The following SHMT1 variants were observed in gnomAD, a reference collection of about 807,000 sequenced individuals.
SHMT1 encodes the protein serine hydroxymethyltransferase, cytosolic.
Under a neutral mutation model 49.0 loss-of-function variants are expected in SHMT1, and 45 were observed. The observed-to-expected ratio is 0.92, with a 90% confidence interval of 0.72 to 1.18. The LOEUF is 1.18. Among genes scored for constraint, SHMT1 ranks in the 50% most tolerant of loss-of-function variants. SHMT1 has a pLI of 0.00. For synonymous variants in SHMT1, 232 were observed against 246.6 expected, an observed-to-expected ratio of 0.94 and a Z score of 0.55; for missense variants, 541 against 612.4, an observed-to-expected ratio of 0.88 and a Z score of 1.23.
At chr17:18,345,062 G>A (rs889488139) in intron 5 of SHMT1, among the ~76,000 whole-genome samples, 14 of 152,200 alleles carry the variant, frequency 9.2e-5, no homozygotes, top group Middle Eastern at 3.4e-3. Flanking sequence ...CCTCCTGTCC[G>A]CCAAGGGCAG....
chr17:18,339,989 A>G, intron 7 of SHMT1, 54 bp downstream of exon 7: 1 of 1,561,616 alleles, frequency 6.4e-7, no homozygotes, highest in Admixed American at 1.7e-5. Flanking sequence ...CTGAACCCCC[A>G]CAGGAGAAAT....
At chr17:18,337,862 G>A (rs1983993775) in intron 7 of SHMT1, among the ~76,000 whole-genome samples, 1 of 152,206 alleles carries the variant, frequency 6.6e-6, no homozygotes, top group African/African-American at 2.4e-5. Context: ...ACGGAGTCTC[G>A]TTCACTCAGT....
At chr17:18,333,465 AT>A in intron 8 of SHMT1, 177 bp from the exon 9 acceptor site, 1 of 286,460 alleles carries the variant, frequency 3.5e-6, no homozygotes, top group Non-Finnish European at 5.9e-6. Flanking sequence ...TTTATTATTT[AT>A]TATTTTTATT....
Position 18,329,525 on chromosome 17 carries a change from C to G in SHMT1, c.1172-137G>C, listed in dbSNP as rs1391332640. 15 of 724,086 alleles carry G rather than the reference C, an allele frequency of 2.1e-5. No homozygotes were observed. The Admixed American group carries it at 3.2e-4, about 16-fold the overall frequency. The allele number at this position is 724,086 out of a possible 1,614,324, so 44.9% of individuals were successfully genotyped here. Reference sequence around the variant, plus strand: ...TCCCTAGCAAGGAGTACAACTGATTCAGAAACTAAAGTAGAACCCAAGGCA... The same window carrying G: ...TCCCTAGCAAGGAGTACAACTGATTGAGAAACTAAAGTAGAACCCAAGGCA... On this transcript the variant is annotated intron_variant, in intron 10 of 11. Coordinates refer to ENST00000316694, the MANE Select transcript of SHMT1 (RefSeq NM_004169.5).
chr17:18,353,183 A>G (rs543899593), intron 3 of SHMT1, among the ~76,000 whole-genome samples: 2 of 143,760 alleles, frequency 1.4e-5, no homozygotes, highest in South Asian at 2.2e-4. Flanking sequence ...AAAAACGAAT[A>G]TAACACTGTA....
At chr17:18,345,154 C>A (rs540728313) in intron 5 of SHMT1, among the ~76,000 whole-genome samples, 3 of 152,334 alleles carry the variant, frequency 2.0e-5, no homozygotes, top group Non-Finnish European at 2.9e-5. Flanking sequence ...CCTCTCCATG[C>A]CCATCCTGAG....
intron 7 of SHMT1, among the ~76,000 whole-genome samples, chr17:18,337,331 AAC>A (rs1983898458): frequency 1.3e-5 from 2 of 152,074 alleles, no homozygotes; most frequent in Non-Finnish European, 2.9e-5. Context: ...AAATCACATC[AAC>A]ACACAGTGGG....
Position 18,340,519 on chromosome 17 carries a change from G to C in SHMT1, c.601+213C>G, listed in dbSNP as rs1456710359. On this transcript the variant is annotated intron_variant, in intron 6 of 11. Transcript: ENST00000316694. This position sits in a 1 kb window ranked among gnomAD's most constrained non-coding sequence, Gnocchi z 4.5. ...CTGACATTTCTAGATGCTTCTCTGA[G>C]AACAGTCTCACATCTTAATCTACAT... 8.8e-6 allele frequency: 6 copies of C among 679,584 alleles called. No individual in the cohort carries two copies. The highest frequency in any genetic ancestry group is 1.6e-5 in the Non-Finnish European group (6 of 379,010). 42.1% of individuals were successfully genotyped at this position (679,584 alleles called of 1,614,324 possible).
chr17:18,330,652 C>A lies in SHMT1; in HGVS notation c.1074G>T (p.Leu358Phe). The change falls in exon 10 of 12, where the codon TTG (leucine) becomes TTT (phenylalanine). Residue 358 changes from leucine (L) to phenylalanine (F), a missense_variant. By Grantham distance (22) the Leu-to-Phe change is conservative. Coordinates refer to ENST00000316694, the MANE Select transcript of SHMT1 (RefSeq NM_004169.5). ...CTTTGGAACGGAGATCCACAAGGAT[C>A]AAATGGTTGTCAGAACCACCTGGAA... is the stretch of plus-strand genomic sequence containing the variant. ...KIVTGGSDNHLILVDLRSKGT... is the reference protein window; with the variant it reads ...KIVTGGSDNHFILVDLRSKGT... 6.2e-7 allele frequency: 1 copy of A among 1,613,900 alleles called. No individual in the cohort carries two copies. Among genetic ancestry groups the A allele is most frequent in the Non-Finnish European group, 8.5e-7 (1 of 1,179,782 alleles).
In SHMT1 at chr17:18,339,967, C is replaced by G; in HGVS notation, c.814+76G>C. On this transcript the variant is annotated intron_variant, in intron 7 of 11. Coordinates refer to ENST00000316694, the MANE Select transcript of SHMT1 (RefSeq NM_004169.5). ...CCCAGGTCAGAGTTTTTCCCAGCTC[C>G]CTCAACTGAATCTGAACCCCCACAG... 2.1e-6 allele frequency: 3 copies of G among 1,441,234 alleles called. No individual in the cohort carries two copies. The East Asian group carries it at 6.9e-5, about 33-fold the overall frequency. 89.3% of individuals were successfully genotyped at this position (1,441,234 alleles called of 1,614,324 possible).
Position 18,353,689 on chromosome 17 carries a change from C to T in SHMT1, c.225G>A (p.Glu75=). Residue 75 remains glutamate (E), a synonymous_variant, in exon 3 of 12, where the codon GAG becomes GAA. Transcript: ENST00000316694. ...LGSCLNNKYS[E]GYPGQRYYGG... is the part of the protein sequence containing the mutation. ...TCACATACCTCTGGCCCGGGTACCC[C>T]TCAGAGTATTTGTTATTTAAGCAAG... The T allele has an allele frequency of 6.2e-7, 1 of 1,614,134 alleles. No homozygotes were observed. The highest frequency in any genetic ancestry group is 8.5e-7 in the Non-Finnish European group (1 of 1,180,036).
rs546838005 is a variant in SHMT1, at chr17:18,328,839, C to G, written c.1363G>C (p.Asp455His). 6.2e-7 allele frequency: 1 copy of G among 1,613,680 alleles called. No individual in the cohort carries two copies. Residue 455 changes from aspartate (D) to histidine (H), a missense_variant, in exon 12 of 12, where the codon GAT becomes CAT. Coordinates refer to ENST00000316694, the MANE Select transcript of SHMT1 (RefSeq NM_004169.5). ...GCCTGCACGGCCGCCTGGTACTTATCCCCTGCCAGTCTCTCCTTGAACTCT... is the reference window on the plus strand; with the variant it reads ...GCCTGCACGGCCGCCTGGTACTTATGCCCTGCCAGTCTCTCCTTGAACTCT... ...LKEFKERLAG[D>H]KYQAAVQALR...
chr17:18,341,200 A>G (rs1984466391), intron 5 of SHMT1: 1 of 265,878 alleles, frequency 3.8e-6, no homozygotes, highest in South Asian at 4.7e-5. Context: ...CAAGAAAAAG[A>G]AACAAAAGGC....
At chr17:18,346,944 C>A (rs1291701468) in intron 5 of SHMT1, among the ~76,000 whole-genome samples, 1 of 152,186 alleles carries the variant, frequency 6.6e-6, no homozygotes, top group Non-Finnish European at 1.5e-5. Context: ...CTAAGTCAAA[C>A]CACTGTCTGT....
chr17:18,346,697 C>G (rs1201671235), intron 5 of SHMT1, among the ~76,000 whole-genome samples: 1 of 152,120 alleles, frequency 6.6e-6, no homozygotes, highest in Non-Finnish European at 1.5e-5. Context: ...TGTAATATAC[C>G]TAACCTACCA....
chr17:18,355,197 A>G (rs1356618628), intron 2 of SHMT1, among the ~76,000 whole-genome samples: 6 of 146,134 alleles, frequency 4.1e-5, no homozygotes, highest in Non-Finnish European at 8.9e-5. Context: ...GTGAAACCCC[A>G]CCTCTACTAA....
chr17:18,329,028 C>G, intron 11 of SHMT1, 109 bp from the exon 12 acceptor site: 1 of 1,410,704 alleles, frequency 7.1e-7, no homozygotes, highest in Non-Finnish European at 9.9e-7. Context: ...GGGAGTGTGG[C>G]AGGGCACAAG....
intron 9 of SHMT1, chr17:18,331,574 G>A (rs764293292): frequency 1.3e-5 from 2 of 152,602 alleles, no homozygotes; most frequent in African/African-American, 4.8e-5. Context: ...AGATGGCAGA[G>A]TGACAATGAC....
intron 7 of SHMT1, among the ~76,000 whole-genome samples, chr17:18,337,878 A>G (rs1337548162): frequency 6.6e-6 from 1 of 152,212 alleles, no homozygotes; most frequent in South Asian, 2.1e-4. Context: ...TCAGTGCTCA[A>G]TGTTGCCCAG....
Sources: allele counts gnomAD v4.1 joint callset (sites outside exome capture counted in the v4.1 genomes callset), GRCh38; gene constraint gnomAD v4.1.1; non-coding constraint Gnocchi (gnomAD v3.1); transcripts MANE v1.5; gene names NCBI Gene and HGNC (gene_info 2026-07-23, HGNC 2026-07-21).